The following LITAF variants were observed in gnomAD, a reference collection of about 807,000 sequenced individuals.
The protein encoded by LITAF is lipopolysaccharide induced TNF factor, also known as lipopolysaccharide-induced tumor necrosis factor-alpha factor.
A neutral mutation model predicts 14.5 loss-of-function variants in LITAF; 9 were observed. That is an observed-to-expected ratio of 0.62 (90% CI 0.37 to 1.08). The LOEUF is 1.08. Among genes scored for constraint, LITAF ranks in the 50% least tolerant of loss-of-function variants. The probability of loss-of-function intolerance (pLI) is 0.01; values close to 1 mark genes in which losing one functional copy is unlikely to be tolerated. For missense variants in LITAF, 206 were observed against 213.4 expected (o/e 0.97, Z 0.22); for synonymous variants, 98 against 88.2 (o/e 1.11, Z -0.62).
At chr16:11,596,968 A>ACCTGTCTG (rs2064893288) in intron 1 of LITAF, among the ~76,000 whole-genome samples, 2 of 152,138 alleles carry the variant, frequency 1.3e-5, no homozygotes, top group Admixed American at 1.3e-4. Flanking sequence ...TTTACAGATT[A>ACCTGTCTG]GGCAACTGAA....
In LITAF at chr16:11,582,731, A is replaced by C. The variant is rs374013216; in HGVS notation, c.-6+4155T>G. ...TAGTTTGTAAACAAGAAAGAGAACC[A>C]GCTGCGAGGGTCAAAAAGGTCTGGT... is the stretch of plus-strand genomic sequence containing the variant. On this transcript the variant is annotated intron_variant, in intron 1 of 3. Coordinates refer to ENST00000622633, the MANE Select transcript of LITAF (RefSeq NM_001136472.2). Among the ~76,000 whole-genome samples, 5 of 152,344 alleles carry C rather than the reference A, an allele frequency of 3.3e-5. No individual in the cohort carries two copies. In the South Asian group the frequency reaches 8.3e-4, roughly 25 times the overall value.
intron 3 of LITAF, among the ~76,000 whole-genome samples, chr16:11,629,397 G>A (rs1333932467): frequency 6.6e-6 from 1 of 152,220 alleles, no homozygotes; most frequent in African/African-American, 2.4e-5. Flanking sequence ...GCAGGAGGAA[G>A]AACAGCAGAC....
intron 3 of LITAF, among the ~76,000 whole-genome samples, chr16:11,619,225 C>T (rs956668925): frequency 1.3e-5 from 2 of 151,620 alleles, no homozygotes; most frequent in Admixed American, 1.3e-4. Flanking sequence ...GGAGGAGAGT[C>T]GTTTGAACCT....
chr16:11,580,413 A>T (rs2064714105), intron 1 of LITAF, among the ~76,000 whole-genome samples: 1 of 152,020 alleles, frequency 6.6e-6, no homozygotes, highest in Non-Finnish European at 1.5e-5. Flanking sequence ...GCCCACCACC[A>T]CACCCGGCTA....
chr16:11,596,576 G>A, intron 1 of LITAF, among the ~76,000 whole-genome samples: 1 of 65,270 alleles, frequency 1.5e-5, no homozygotes, highest in Non-Finnish European at 3.2e-5. Context: ...GGAGGAGGAG[G>A]GGGAGAGGAG....
In LITAF at chr16:11,577,043, A is replaced by G. The variant is rs558551306; in HGVS notation, c.-6+9843T>C. Among the ~76,000 whole-genome samples the G allele has an allele frequency of 5.3e-5, 8 of 152,322 alleles. No individual in the cohort carries two copies. The East Asian group carries it at 1.4e-3, about 26-fold the overall frequency. On this transcript the variant is annotated intron_variant, in intron 1 of 3. Transcript: ENST00000622633. Reference sequence around the variant, plus strand: ...TTTCACATCCCCTGGCTGACACCACATGATCTAGCCCTTGATGACATATGT... The same window carrying G: ...TTTCACATCCCCTGGCTGACACCACGTGATCTAGCCCTTGATGACATATGT...
At chr16:11,550,635 T>C (rs373297725) in intron 3 of LITAF, among the ~76,000 whole-genome samples, 12 of 152,326 alleles carry the variant, frequency 7.9e-5, no homozygotes, top group African/African-American at 2.2e-4. Flanking sequence ...GGACAGATAG[T>C]AGATCTTTTA....
chr16:11,633,504 T>A (rs1374122859), intron 3 of LITAF: 2 of 152,106 alleles, frequency 1.3e-5, no homozygotes, highest in Non-Finnish European at 2.9e-5. Context: ...ATAAAATAGG[T>A]TGCAGTAAAG....
At chr16:11,565,574 G>A (rs2064438639) in intron 1 of LITAF, among the ~76,000 whole-genome samples, 1 of 151,940 alleles carries the variant, frequency 6.6e-6, no homozygotes, top group Admixed American at 6.6e-5. Flanking sequence ...TCCCGGGCCC[G>A]TTTGTTTAAA....
At chr16:11,578,797 A>G (rs2064684893) in intron 1 of LITAF, among the ~76,000 whole-genome samples, 1 of 152,242 alleles carries the variant, frequency 6.6e-6, no homozygotes, top group African/African-American at 2.4e-5. Context: ...GGGAAATTCT[A>G]CAGAATCCCT....
At chr16:11,631,670 G>A (rs368473795) in intron 3 of LITAF, among the ~76,000 whole-genome samples, 36 of 152,218 alleles carry the variant, frequency 2.4e-4, no homozygotes, top group African/African-American at 7.0e-4. Context: ...GATTACAGGC[G>A]TGAGCCATGG....
chr16:11,553,528 C>A lies in LITAF; in HGVS notation c.377+5G>T. On this transcript the variant is annotated splice_donor_5th_base_variant and intron_variant, in intron 3 of 3. Transcript: ENST00000622633. This position sits in a 1 kb window ranked among gnomAD's most constrained non-coding sequence, Gnocchi z 7.7. Reference sequence around the variant, plus strand: ...GGCTTGGGGCCAAGTGGGAGGCAGACTCACCCCAGCAGGCACAGGCTCCCG... The same window carrying A: ...GGCTTGGGGCCAAGTGGGAGGCAGAATCACCCCAGCAGGCACAGGCTCCCG... 6.2e-7 allele frequency: 1 copy of A among 1,613,852 alleles called. No individual in the cohort carries two copies. The highest frequency in any genetic ancestry group is 8.5e-7 in the Non-Finnish European group (1 of 1,179,944).
At chr16:11,635,796 G>A (rs1051477832) in intron 2 of LITAF, 10 of 152,138 alleles carry the variant, frequency 6.6e-5, no homozygotes, top group African/African-American at 1.9e-4. Flanking sequence ...TGGGACATAC[G>A]GAGCATTTCT....
intron 3 of LITAF, among the ~76,000 whole-genome samples, chr16:11,628,009 CAAAAAAAAAAA>C (rs34480494): frequency 2.4e-4 from 13 of 54,738 alleles, no homozygotes; most frequent in Admixed American, 8.1e-4. Flanking sequence ...GAGACTCTGT[CAAAAAAAAAAA>C]AAAAAAAAAA....
chr16:11,584,812 C>T lies in LITAF; in HGVS notation c.-6+2074G>A, dbSNP rs576141710. Among the ~76,000 whole-genome samples the T allele has an allele frequency of 3.9e-5, 6 of 152,272 alleles. No individual in the cohort carries two copies. The South Asian group carries it at 8.3e-4, about 21-fold the overall frequency. ...TGCATCCTTTACACGGCAAGGGTAG[C>T]GCTTTATTTCTCAACAGCCCGCCCA... is the stretch of plus-strand genomic sequence containing the variant. On this transcript the variant is annotated intron_variant, in intron 1 of 3. Transcript: ENST00000622633.
At chr16:11,591,423 AG>A (rs2064845237), upstream of LITAF, among the ~76,000 whole-genome samples, 2 of 53,778 alleles carry the variant, frequency 3.7e-5, 1 homozygote, top group African/African-American at 2.8e-4. Context: ...GGGCTCAAGT[AG>A]TCCTCCCACC....
chr16:11,548,390 T>C lies in LITAF; in HGVS notation c.*1247A>G, dbSNP rs531401810. ...CTGAAAACTAAAATCAGACTTTAGA[T>C]TCCTCTGAAACAGTTCTGGTTCCCA... On this transcript the variant is annotated 3_prime_UTR_variant, in exon 4 of 4. Coordinates refer to ENST00000622633, the MANE Select transcript of LITAF (RefSeq NM_001136472.2). The C allele has an allele frequency of 2.2e-6, 1 of 453,902 alleles. No homozygotes were observed. The highest frequency in any genetic ancestry group is 4.4e-6 in the Non-Finnish European group (1 of 226,794). The allele number at this position is 453,902 out of a possible 1,614,324, so 28.1% of individuals were successfully genotyped here.
intron 1 of LITAF, among the ~76,000 whole-genome samples, chr16:11,557,485 T>C (rs1221258472): frequency 6.6e-6 from 1 of 152,234 alleles, no homozygotes; most frequent in East Asian, 1.9e-4. Context: ...AGACAAGATC[T>C]GTCACCCAGG....
chr16:11,568,103 C>T (rs1567243686), intron 1 of LITAF, among the ~76,000 whole-genome samples: 1 of 152,068 alleles, frequency 6.6e-6, no homozygotes. Context: ...GCCTGGGCAA[C>T]ACAATGAGAC....
Sources: allele counts gnomAD v4.1 joint callset (sites outside exome capture counted in the v4.1 genomes callset), GRCh38; gene constraint gnomAD v4.1.1; non-coding constraint Gnocchi (gnomAD v3.1); transcripts MANE v1.5; gene names NCBI Gene and HGNC (gene_info 2026-07-23, HGNC 2026-07-21).